The following DNAH17 variants were observed in gnomAD, a reference collection of about 807,000 sequenced individuals.
The protein encoded by DNAH17 is axonemal beta dynein heavy chain 17.
In DNAH17, 376 loss-of-function variants were observed where a neutral mutation model predicts 485.6. That is an observed-to-expected ratio of 0.77 (90% CI 0.71 to 0.84). The LOEUF (loss-of-function observed/expected upper bound fraction) is 0.84, where lower values mean the gene tolerates loss of function less well. DNAH17 is among the 40% of genes least tolerant of loss of function. The pLI, the probability that DNAH17 is intolerant of heterozygous loss-of-function variation, is 0.00. For missense variants in DNAH17, 6,370 were observed against 5,839.3 expected (o/e 1.09, Z -2.96); for synonymous variants, 3,031 against 2,405.9 (o/e 1.26, Z -7.60).
At position 78,466,791 on chromosome 17, in the gene DNAH17, C is replaced by T. The variant is rs571368692; in HGVS notation, c.8804G>A (p.Gly2935Asp). Reference sequence around the variant, plus strand: ...TCTGGCTCGTACCCGCAGCACGGAGCCCACAGGGGAGAAACACAGGATCAC... The same window carrying T: ...TCTGGCTCGTACCCGCAGCACGGAGTCCACAGGGGAGAAACACAGGATCAC... ...LKVILCFSPV[G>D]SVLRVRARKF... The change falls in exon 56 of 81, where the codon GGC becomes GAC. Residue 2935 changes from glycine to aspartate, a missense_variant. By Grantham distance (94) the Gly-to-Asp change is moderately conservative. Coordinates refer to ENST00000389840, the MANE Select transcript of DNAH17 (RefSeq NM_173628.4). 1 of 1,598,656 alleles carries T rather than the reference C, an allele frequency of 6.3e-7. No individual in the cohort carries two copies. Among genetic ancestry groups the T allele is most frequent in the South Asian group, 1.1e-5 (1 of 88,662 alleles).
chr17:78,483,279 G>A (rs1271165310), intron 48 of DNAH17, among the ~76,000 whole-genome samples: 1 of 152,204 alleles, frequency 6.6e-6, no homozygotes, highest in African/African-American at 2.4e-5. Flanking sequence ...CGTGAGCTCT[G>A]GGAGTGTCGT....
intron 37 of DNAH17, among the ~76,000 whole-genome samples, chr17:78,497,225 G>A (rs563358905): frequency 6.6e-6 from 1 of 152,234 alleles, no homozygotes; most frequent in South Asian, 2.1e-4. Flanking sequence ...CCTGCTTGAG[G>A]TCTCCTCTGG....
At chr17:78,543,370 A>T (rs934045369) in intron 17 of DNAH17, among the ~76,000 whole-genome samples, 2 of 149,382 alleles carry the variant, frequency 1.3e-5, no homozygotes, top group African/African-American at 4.9e-5. Context: ...GGCTCACTGC[A>T]AGCTCCGCTT....
At position 78,437,702 on chromosome 17, in the gene DNAH17, G is replaced by A. The variant is rs1277711861; in HGVS notation, c.11972C>T (p.Thr3991Ile). 4 of 1,612,506 alleles carry A rather than the reference G, an allele frequency of 2.5e-6. No homozygotes were observed. Among genetic ancestry groups the A allele is most frequent in the African/African-American group, 1.3e-5 (1 of 75,044 alleles). Reference protein sequence around the residue: ...QGILENAIKITNEPPTGMHAN... With the variant: ...QGILENAIKIINEPPTGMHAN... ...GTGCATGCCCGTGGGGGGCTCGTTG[G>A]TGATCTTGATGGCGTTCTCCAGAAT... Residue 3991 changes from threonine (T) to isoleucine (I), a missense_variant, in exon 74 of 81, where the codon ACC becomes ATC. Physicochemically the swap from Thr to Ile is moderately conservative, Grantham distance 89 (BLOSUM62 -1). Coordinates refer to ENST00000389840, the MANE Select transcript of DNAH17 (RefSeq NM_173628.4).
intron 51 of DNAH17, among the ~76,000 whole-genome samples, chr17:78,477,368 C>A (rs1474225157): frequency 6.8e-6 from 1 of 146,134 alleles, no homozygotes; most frequent in East Asian, 2.0e-4. Flanking sequence ...TGGGCTGATA[C>A]TTTATTTTTT....
In DNAH17 at chr17:78,449,942, C is replaced by T. The variant is rs994560895; in HGVS notation, c.11040+312G>A. The T allele has an allele frequency of 1.0e-4, 48 of 474,012 alleles. No homozygotes were observed. In the Middle Eastern group the frequency reaches 1.2e-3, roughly 12 times the overall value. The allele number at this position is 474,012 out of a possible 1,614,324, so 29.4% of individuals were successfully genotyped here. A position where few individuals can be genotyped will look rare whatever the true frequency, so the allele number is the denominator to read the frequency against. On this transcript the variant is annotated intron_variant, in intron 68 of 80. Transcript: ENST00000389840. ...CCACCCGCCTCGGCCCCCCATAGTG[C>T]TGAGATGACAGGCATGAGCCACCAT...
intron 75 of DNAH17, among the ~76,000 whole-genome samples, chr17:78,430,162 C>T (rs573446218): frequency 5.3e-5 from 8 of 152,342 alleles, no homozygotes; most frequent in East Asian, 1.9e-4. Flanking sequence ...TTGTTCTTCC[C>T]GCCTCCATGT....
chr17:78,542,930 T>A (rs1000866991), intron 17 of DNAH17, among the ~76,000 whole-genome samples: 1 of 152,198 alleles, frequency 6.6e-6, no homozygotes, highest in African/African-American at 2.4e-5. Flanking sequence ...CAGCTCATCC[T>A]GGGAAGACAA....
chr17:78,543,020 G>C (rs938278022), intron 17 of DNAH17, among the ~76,000 whole-genome samples: 1 of 152,266 alleles, frequency 6.6e-6, no homozygotes, highest in Non-Finnish European at 1.5e-5. Flanking sequence ...CCTTAGCAGA[G>C]GGCAGGCCCA....
chr17:78,450,205 A>G, intron 68 of DNAH17, 49 bp downstream of exon 68: 2 of 1,606,664 alleles, frequency 1.2e-6, no homozygotes, highest in Non-Finnish European at 1.7e-6. Context: ...TGGAGCCCAG[A>G]TGCAGCCCCA....
intron 76 of DNAH17, 77 bp downstream of exon 76, chr17:78,429,033 TATTGACACTCC>T: frequency 6.9e-7 from 1 of 1,440,844 alleles, no homozygotes; most frequent in South Asian, 1.3e-5. Flanking sequence ...CTTGCTCAAT[TATTGACACTCC>T]ATTTGTGCTG....
chr17:78,556,222 T>C (rs117798155), intron 14 of DNAH17, among the ~76,000 whole-genome samples: 2 of 152,318 alleles, frequency 1.3e-5, no homozygotes, highest in East Asian at 3.9e-4. Flanking sequence ...GATCTATCTA[T>C]CCATCCATCC....
chr17:78,573,773 C>G (rs2092394519), intron 2 of DNAH17, among the ~76,000 whole-genome samples: 1 of 151,706 alleles, frequency 6.6e-6, no homozygotes. Context: ...GGAAAACCAA[C>G]CCCGCCGACA....
chr17:78,558,247 GCCA>G lies in DNAH17; in HGVS notation c.2036_2038del (p.Val679del). ...CAAATACTTGACTTCTCTCAGAACT[GCCA>G]CCAACTAAATGACAAACGAAGATCA... On this transcript the variant is annotated inframe_deletion, in exon 14 of 81. Coordinates refer to ENST00000389840, the MANE Select transcript of DNAH17 (RefSeq NM_173628.4). 3 of 1,613,450 alleles carry G rather than the reference GCCA, an allele frequency of 1.9e-6. No individual in the cohort carries two copies. The highest frequency in any genetic ancestry group is 2.5e-6 in the Non-Finnish European group (3 of 1,179,672).
Position 78,486,467 on chromosome 17 carries a change from C to A in DNAH17, c.6858G>T (p.Ser2286=). Residue 2286 remains serine, a synonymous_variant, in exon 45 of 81, where the codon TCG becomes TCT. Coordinates refer to ENST00000389840, the MANE Select transcript of DNAH17 (RefSeq NM_173628.4). ...AGAGGATCATCAGGTTGGCCTTCTCCGACTGCACCTTGCGCCTCTCGATCC... is the reference window on the plus strand; with the variant it reads ...AGAGGATCATCAGGTTGGCCTTCTCAGACTGCACCTTGCGCCTCTCGATCC... ...SSWIERRKVQ[S]EKANLMILFD... 6.2e-7 allele frequency: 1 copy of A among 1,612,942 alleles called. No homozygotes were observed. Among genetic ancestry groups the A allele is most frequent in the Non-Finnish European group, 8.5e-7 (1 of 1,179,570 alleles).
intron 18 of DNAH17, 102 bp downstream of exon 18, chr17:78,539,635 A>G: frequency 9.6e-7 from 1 of 1,045,588 alleles, no homozygotes; most frequent in African/African-American, 1.6e-5. Context: ...TAATAAGTCT[A>G]TTTATAAAAT....
Position 78,461,565 on chromosome 17 carries a change from G to A in DNAH17, c.9318C>T (p.Val3106=), listed in dbSNP as rs774295161. 10 of 1,599,622 alleles carry A rather than the reference G, an allele frequency of 6.3e-6. No individual in the cohort carries two copies. Among genetic ancestry groups the A allele is most frequent in the Non-Finnish European group, 8.5e-6 (10 of 1,174,126 alleles). Residue 3106 remains valine (V), a synonymous_variant, in exon 58 of 81, where the codon GTC becomes GTT. Transcript: ENST00000389840. Reference sequence around the variant, plus strand: ...CTACCTTATTGATGACCTCGACCTTGACTTCTTCCTGGTCAGCAATGGCCT... The same window carrying A: ...CTACCTTATTGATGACCTCGACCTTAACTTCTTCCTGGTCAGCAATGGCCT... The part of the protein sequence containing the change: ...KEKAIADQEE[V]KVEVINKNVT...
At chr17:78,435,750 G>C (rs1265420422) in intron 74 of DNAH17, among the ~76,000 whole-genome samples, 1 of 152,194 alleles carries the variant, frequency 6.6e-6, no homozygotes, top group Non-Finnish European at 1.5e-5. Context: ...AACCGTTCCA[G>C]GACTGGTGCT....
chr17:78,553,455 C>T (rs1299845746), intron 14 of DNAH17, among the ~76,000 whole-genome samples: 2 of 152,016 alleles, frequency 1.3e-5, no homozygotes, highest in African/African-American at 4.8e-5. Flanking sequence ...GCATGCGCCA[C>T]CATGCCCAGC....
Sources: allele counts gnomAD v4.1 joint callset (sites outside exome capture counted in the v4.1 genomes callset), GRCh38; gene constraint gnomAD v4.1.1; transcripts MANE v1.5; gene names NCBI Gene and HGNC (gene_info 2026-07-23, HGNC 2026-07-21).